Variants in CMIP observed in about 807,000 individuals in gnomAD.
CMIP encodes c-Maf inducing protein.
In CMIP, 13 loss-of-function variants were observed where a neutral mutation model predicts 97.3. The ratio of observed to expected loss-of-function variants is 0.13; its 90% confidence interval spans 0.09 to 0.21. CMIP has a LOEUF of 0.21. CMIP is among the 10% of genes least tolerant of loss of function. The pLI, the probability that CMIP is intolerant of heterozygous loss-of-function variation, is 1.00. For synonymous variants in CMIP, 538 were observed against 436.3 expected (o/e 1.23, Z -2.91); for missense variants, 847 against 1,024.9 (o/e 0.83, Z 2.37).
intron 1 of CMIP, among the ~76,000 whole-genome samples, chr16:81,521,526 A>G (rs1000905415): frequency 6.6e-6 from 1 of 152,076 alleles, no homozygotes; most frequent in African/African-American, 2.4e-5. Flanking sequence ...CTGCTTCCAG[A>G]AGAGGAGGGG....
At chr16:81,669,622 C>A (rs1161133010) in intron 7 of CMIP, among the ~76,000 whole-genome samples, 1 of 147,298 alleles carries the variant, frequency 6.8e-6, no homozygotes, top group Admixed American at 6.7e-5. Flanking sequence ...TCCGCACCAA[C>A]CTCTCACCTC....
intron 1 of CMIP, among the ~76,000 whole-genome samples, chr16:81,559,598 G>C (rs767292753): frequency 3.0e-4 from 45 of 152,336 alleles, no homozygotes; most frequent in South Asian, 8.3e-4. Flanking sequence ...CATAGCTGTA[G>C]AGATGTCATA....
intron 13 of CMIP, 123 bp downstream of exon 13, chr16:81,693,610 T>C: frequency 1.9e-6 from 2 of 1,063,188 alleles, no homozygotes; most frequent in East Asian, 2.6e-5. Flanking sequence ...CAGAGACCCA[T>C]TGCCTGTGTA....
chr16:81,503,326 C>A (rs758133167), intron 1 of CMIP, among the ~76,000 whole-genome samples: 1 of 152,146 alleles, frequency 6.6e-6, no homozygotes, highest in East Asian at 1.9e-4. Context: ...CTGGTATGAG[C>A]AGTCAGTGTT....
At chr16:81,475,125 G>A (rs1320461573) in intron 1 of CMIP, among the ~76,000 whole-genome samples, 1 of 151,964 alleles carries the variant, frequency 6.6e-6, no homozygotes, top group Admixed American at 6.6e-5. Context: ...TGTGTCTGGA[G>A]GCCTTAACCC....
At chr16:81,508,428 G>T (rs892149368) in intron 1 of CMIP, among the ~76,000 whole-genome samples, 4 of 152,214 alleles carry the variant, frequency 2.6e-5, no homozygotes, top group African/African-American at 9.6e-5. Context: ...GTGAGGAATG[G>T]TTGCATATCA....
chr16:81,570,022 C>G (rs1359926615), intron 1 of CMIP, among the ~76,000 whole-genome samples: 1 of 152,174 alleles, frequency 6.6e-6, no homozygotes, highest in Non-Finnish European at 1.5e-5. Flanking sequence ...TCTGTCAAAG[C>G]CAACTGTCCA....
chr16:81,667,878 G>A (rs2092627256), intron 7 of CMIP, among the ~76,000 whole-genome samples: 1 of 149,072 alleles, frequency 6.7e-6, no homozygotes, highest in Non-Finnish European at 1.5e-5. Context: ...TTCTGAACTT[G>A]CTCCGGGGGC....
rs554647793 is a variant in CMIP, at chr16:81,640,638, G to T, written c.478-11565G>T. Among the ~76,000 whole-genome samples the T allele has an allele frequency of 2.0e-5, 3 of 152,176 alleles. No individual in the cohort carries two copies. The South Asian group carries it at 6.2e-4, about 32-fold the overall frequency. On this transcript the variant is annotated intron_variant, in intron 3 of 20. Transcript: ENST00000537098. ...ATTGCTTCTGAGACTCTAGGGGAGG[G>T]CCTTTTCCTTGCCTCACCCAGCTTC... is the stretch of plus-strand genomic sequence containing the variant.
rs2092095638 is a variant in CMIP, at chr16:81,627,851, C to T, written c.477+6925C>T. Among the ~76,000 whole-genome samples, 1 of 152,182 alleles carries T rather than the reference C, an allele frequency of 6.6e-6. No individual in the cohort carries two copies. Among genetic ancestry groups the T allele is most frequent in the Non-Finnish European group, 1.5e-5 (1 of 68,016 alleles). On this transcript the variant is annotated intron_variant, in intron 3 of 20. Transcript: ENST00000537098. The surrounding 1 kb of genome is among the most constrained non-coding windows in gnomAD (Gnocchi z 4.6). ...TCTGTTCCATGTTCTGTGTTGGGAGCTGGCGCTGGGGGACCACAACCCTCA... is the reference window on the plus strand; with the variant it reads ...TCTGTTCCATGTTCTGTGTTGGGAGTTGGCGCTGGGGGACCACAACCCTCA...
chr16:81,586,386 G>A (rs2091383004), intron 1 of CMIP, among the ~76,000 whole-genome samples: 1 of 152,186 alleles, frequency 6.6e-6, no homozygotes, highest in African/African-American at 2.4e-5. Flanking sequence ...GAAAGAGATA[G>A]TCGTTCACTG....
intron 3 of CMIP, chr16:81,645,439 G>T: frequency 2.6e-6 from 4 of 1,511,608 alleles, no homozygotes; most frequent in South Asian, 1.2e-5. Context: ...CGTGCTTCCA[G>T]TGCATTCTGA....
At chr16:81,640,830 A>G (rs560051048) in intron 3 of CMIP, among the ~76,000 whole-genome samples, 1 of 151,152 alleles carries the variant, frequency 6.6e-6, no homozygotes, top group South Asian at 2.1e-4. Flanking sequence ...TTTAGGGCCA[A>G]CTCTAATCCA....
chr16:81,538,317 C>T (rs934323236), intron 1 of CMIP, among the ~76,000 whole-genome samples: 51 of 152,342 alleles, frequency 3.3e-4, no homozygotes, highest in African/African-American at 1.1e-3. Flanking sequence ...GGCGGTGGCT[C>T]CTGCCTGCAG....
At chr16:81,692,864 C>T (rs1399998687) in intron 11 of CMIP, among the ~76,000 whole-genome samples, 2 of 152,202 alleles carry the variant, frequency 1.3e-5, no homozygotes, top group East Asian at 1.9e-4. Flanking sequence ...CCCACATGCA[C>T]CCACACATGC....
At chr16:81,672,384 G>T (rs758503771) in intron 9 of CMIP, among the ~76,000 whole-genome samples, 1 of 152,236 alleles carries the variant, frequency 6.6e-6, no homozygotes, top group African/African-American at 2.4e-5. Flanking sequence ...TGGTGTGTGT[G>T]TGTGAATGTG....
chr16:81,664,673 T>C (rs1247769317), intron 7 of CMIP: 1 of 559,248 alleles, frequency 1.8e-6, no homozygotes, highest in Non-Finnish European at 3.2e-6. Context: ...GAGCGCGACT[T>C]TGCACTCCTT....
intron 3 of CMIP, chr16:81,645,347 C>G (rs2092352244): frequency 7.1e-7 from 1 of 1,399,434 alleles, no homozygotes; most frequent in South Asian, 1.5e-5. Flanking sequence ...GGGGAGCATG[C>G]GTGCTTGGGT....
At chr16:81,615,662 G>A (rs1335371828) in intron 2 of CMIP, among the ~76,000 whole-genome samples, 1 of 149,084 alleles carries the variant, frequency 6.7e-6, no homozygotes, top group Non-Finnish European at 1.5e-5. Context: ...TGTGTGTGGT[G>A]TGTATGTGTC....
Sources: allele counts gnomAD v4.1 joint callset (sites outside exome capture counted in the v4.1 genomes callset), GRCh38; gene constraint gnomAD v4.1.1; non-coding constraint Gnocchi (gnomAD v3.1); transcripts MANE v1.5; gene names NCBI Gene and HGNC (gene_info 2026-07-23, HGNC 2026-07-21).